Variants in FOXN3 observed in about 807,000 individuals in gnomAD.
The protein encoded by FOXN3 is forkhead box protein N3.
FOXN3 carries 7 observed loss-of-function variants against 38.4 expected under a neutral mutation model. The observed-to-expected ratio is 0.18, with a 90% CI of 0.10 to 0.34. The LOEUF (loss-of-function observed/expected upper bound fraction) is 0.34. Ranked by LOEUF, FOXN3 falls within the 10% of genes least tolerant of loss-of-function variation. The pLI is 1.00. For missense variants in FOXN3, 456 were observed against 613.4 expected, an observed-to-expected ratio of 0.74 and a Z score of 2.71; for synonymous variants, 230 against 242.2, an observed-to-expected ratio of 0.95 and a Z score of 0.47.
intron 1 of FOXN3, among the ~76,000 whole-genome samples, chr14:89,450,899 A>C (rs1566660532): frequency 6.6e-6 from 1 of 152,138 alleles, no homozygotes; most frequent in Admixed American, 6.5e-5. Context: ...TGTTAAACTA[A>C]TCTAGGACAT....
upstream of FOXN3, among the ~76,000 whole-genome samples, chr14:89,418,835 G>C (rs1434240864): frequency 6.6e-6 from 1 of 152,168 alleles, no homozygotes; most frequent in East Asian, 1.9e-4. Context: ...TTCTCCGCCA[G>C]AGGAACCAAG....
At chr14:89,532,575 C>A (rs1345555825) in intron 1 of FOXN3, among the ~76,000 whole-genome samples, 1 of 152,106 alleles carries the variant, frequency 6.6e-6, no homozygotes, top group Admixed American at 6.5e-5. Flanking sequence ...GAGAACATTA[C>A]AAAATGATCA....
intron 4 of FOXN3, among the ~76,000 whole-genome samples, chr14:89,256,859 C>T (rs1885639000): frequency 1.3e-5 from 2 of 152,160 alleles, no homozygotes; most frequent in South Asian, 4.1e-4. Context: ...GCTATGAGAC[C>T]ACGGTTTGAT....
rs76933795 is a variant in FOXN3 at position 89,567,297 on chromosome 14, T to C, written c.-15+51731A>G. Among the ~76,000 whole-genome samples the C allele has an allele frequency of 3.0e-4, 46 of 152,342 alleles. No homozygotes were observed. In the East Asian group the frequency reaches 8.9e-3, roughly 29 times the overall value. On this transcript the variant is annotated intron_variant, in intron 1 of 6. Transcript: ENST00000345097. Reference sequence around the variant, plus strand: ...CAGACAAGTCAGCAACAATTCTTTCTTGAGCATCTACTGCAAGCAGATAAT... The same window carrying C: ...CAGACAAGTCAGCAACAATTCTTTCCTGAGCATCTACTGCAAGCAGATAAT...
intron 1 of FOXN3, among the ~76,000 whole-genome samples, chr14:89,453,580 G>C (rs887352685): frequency 7.4e-5 from 7 of 93,984 alleles, no homozygotes; most frequent in African/African-American, 3.0e-4. Flanking sequence ...AAAAAAAAAA[G>C]CTGCAGCTTA....
chr14:89,385,921 G>A lies in FOXN3; in HGVS notation c.543+26013C>T, dbSNP rs117552831. On this transcript the variant is annotated intron_variant, in intron 2 of 5. Coordinates refer to ENST00000557258, the MANE Select transcript of FOXN3 (RefSeq NM_005197.4). ...TGAGAACTACTTACGTAACTGAGGT[G>A]TCAAGATACTGGCTGAAGGCCATCC... 7.4e-4 allele frequency among the ~76,000 whole-genome samples: 112 copies of A among 152,346 alleles called. 4 individuals are homozygous for A. The East Asian group carries it at 0.02, about 28-fold the overall frequency.
Position 89,162,729 on chromosome 14 carries a change from G to A in FOXN3, c.1092C>T (p.Ser364=), listed in dbSNP as rs770769761. 1 of 1,613,738 alleles carries A rather than the reference G, an allele frequency of 6.2e-7. No homozygotes were observed. Among genetic ancestry groups the A allele is most frequent in the Admixed American group, 1.7e-5 (1 of 59,990 alleles). Residue 364 remains serine, a synonymous_variant, in exon 6 of 6, where the codon AGC becomes AGT. Coordinates refer to ENST00000557258, the MANE Select transcript of FOXN3 (RefSeq NM_005197.4). This position sits in a 1 kb window ranked among gnomAD's most constrained non-coding sequence, Gnocchi z 7.2. The part of the protein sequence containing the change: ...GSEGSEGSFR[S]HESPSDTEED... ...CTTCCGTGTCGCTGGGGCTCTCGTG[G>A]CTCCGGAAGCTCCCCTCGCTGCCCT...
chr14:89,367,337 G>A (rs904785954), intron 2 of FOXN3, among the ~76,000 whole-genome samples: 1 of 152,206 alleles, frequency 6.6e-6, no homozygotes, highest in South Asian at 2.1e-4. Flanking sequence ...TTTCAACAAA[G>A]GGTGTCTAAC....
intron 4 of FOXN3, among the ~76,000 whole-genome samples, chr14:89,268,063 T>C (rs1886037161): frequency 6.6e-6 from 1 of 152,134 alleles, no homozygotes; most frequent in Admixed American, 6.5e-5. Context: ...CTTAAACATA[T>C]ATGCACCTAC....
chr14:89,344,056 C>T (rs558592983), intron 3 of FOXN3, among the ~76,000 whole-genome samples: 29 of 152,158 alleles, frequency 1.9e-4, no homozygotes, highest in African/African-American at 6.0e-4. Context: ...GCCACCGCAT[C>T]GAGCCGAGAA....
chr14:89,449,920 A>G (rs1389085465), intron 1 of FOXN3, among the ~76,000 whole-genome samples: 1 of 152,112 alleles, frequency 6.6e-6, no homozygotes, highest in Non-Finnish European at 1.5e-5. Flanking sequence ...GGAAGAGACA[A>G]TGGGGGCCAG....
chr14:89,233,459 T>C (rs1257816110), intron 4 of FOXN3, among the ~76,000 whole-genome samples: 1 of 152,160 alleles, frequency 6.6e-6, no homozygotes, highest in Non-Finnish European at 1.5e-5. Context: ...ATCCACTGGG[T>C]AGAAAATTAT....
chr14:89,491,195 C>T (rs1195633458), intron 1 of FOXN3, among the ~76,000 whole-genome samples: 2 of 151,744 alleles, frequency 1.3e-5, no homozygotes, highest in African/African-American at 4.8e-5. Context: ...AGGCTGGTCT[C>T]GAACTCCCGA....
At chr14:89,255,961 C>A (rs934124172) in intron 4 of FOXN3, among the ~76,000 whole-genome samples, 1 of 152,214 alleles carries the variant, frequency 6.6e-6, no homozygotes, top group South Asian at 2.1e-4. Flanking sequence ...ACCTAAGGAA[C>A]AAGACACCTC....
At chr14:89,352,805 A>G (rs1889032696) in intron 2 of FOXN3, among the ~76,000 whole-genome samples, 1 of 152,204 alleles carries the variant, frequency 6.6e-6, no homozygotes. Flanking sequence ...AAATAACCGT[A>G]AGCCAAGAAC....
intron 1 of FOXN3, among the ~76,000 whole-genome samples, chr14:89,451,219 G>A (rs970862809): frequency 1.6e-4 from 24 of 152,196 alleles, no homozygotes; most frequent in Middle Eastern, 3.2e-3. Flanking sequence ...TGCTACTGAT[G>A]TAAGGACACA....
At chr14:89,425,067 T>C (rs139991021) in intron 1 of FOXN3, among the ~76,000 whole-genome samples, 3,220 of 118,134 alleles carry the variant, frequency 0.027, 44 homozygotes, top group Middle Eastern at 0.07. Context: ...CTTTTCTTTT[T>C]TTTTTTTTTT....
intron 1 of FOXN3, among the ~76,000 whole-genome samples, chr14:89,432,024 C>T (rs1890259): frequency 0.27 from 40,969 of 152,082 alleles, 5,928 homozygotes; most frequent in African/African-American, 0.37. Context: ...TGTGTTGTTG[C>T]TTTTTTATAA....
At chr14:89,193,085 G>GA (rs1369714024) in intron 4 of FOXN3, among the ~76,000 whole-genome samples, 1 of 152,098 alleles carries the variant, frequency 6.6e-6, no homozygotes, top group Admixed American at 6.6e-5. Flanking sequence ...GGGTAGCCAA[G>GA]AAAAACGATT....
Sources: allele counts gnomAD v4.1 joint callset (sites outside exome capture counted in the v4.1 genomes callset), GRCh38; gene constraint gnomAD v4.1.1; non-coding constraint Gnocchi (gnomAD v3.1); transcripts MANE v1.5; gene names NCBI Gene and HGNC (gene_info 2026-07-23, HGNC 2026-07-21).